Variants in SGCZ observed in about 807,000 individuals in gnomAD.
SGCZ encodes zeta-sarcoglycan.
SGCZ carries 40 observed loss-of-function variants against 41.3 expected under a neutral mutation model. The observed-to-expected ratio is 0.97, with a 90% confidence interval of 0.75 to 1.26. The LOEUF is 1.26. Ranked by LOEUF, SGCZ falls within the 50% of genes most tolerant of loss-of-function variation. The probability of loss-of-function intolerance (pLI) is 0.00; values close to 1 mark genes in which losing one functional copy is unlikely to be tolerated. For synonymous variants in SGCZ, 206 were observed against 137.5 expected, an observed-to-expected ratio of 1.50 and a Z score of -3.49; for missense variants, 552 against 369.8, an observed-to-expected ratio of 1.49 and a Z score of -4.04.
chr8:14,914,475 C>G (rs1799367725), intron 1 of SGCZ, among the ~76,000 whole-genome samples: 1 of 151,864 alleles, frequency 6.6e-6, no homozygotes, highest in African/African-American at 2.4e-5. Context: ...AGTTTCGTGG[C>G]CCACAAAGAA....
At chr8:14,785,564 T>C (rs1245139476) in intron 1 of SGCZ, among the ~76,000 whole-genome samples, 2 of 152,178 alleles carry the variant, frequency 1.3e-5, no homozygotes, top group Non-Finnish European at 2.9e-5. Flanking sequence ...TCGCAGGTAA[T>C]ACTAAGGTGG....
chr8:14,646,307 G>A (rs1807213906), intron 1 of SGCZ, among the ~76,000 whole-genome samples: 1 of 151,902 alleles, frequency 6.6e-6, no homozygotes, highest in African/African-American at 2.4e-5. Flanking sequence ...GTGGTATTTG[G>A]TTTTCTGTTC....
chr8:14,254,197 G>T (rs755005329), intron 3 of SGCZ, among the ~76,000 whole-genome samples: 4 of 152,090 alleles, frequency 2.6e-5, no homozygotes, highest in African/African-American at 9.7e-5. Context: ...CCTGGATTTT[G>T]AGTTTACCGG....
intron 2 of SGCZ, among the ~76,000 whole-genome samples, chr8:14,511,936 A>C (rs1029711065): frequency 6.6e-6 from 1 of 152,166 alleles, no homozygotes; most frequent in African/African-American, 2.4e-5. Context: ...AAAGGTTTAT[A>C]GATTTTATAT....
chr8:14,936,346 C>T (rs1800082438), intron 1 of SGCZ, among the ~76,000 whole-genome samples: 1 of 151,900 alleles, frequency 6.6e-6, no homozygotes, highest in Non-Finnish European at 1.5e-5. Context: ...TTAGCCTAGC[C>T]TACCTTAAAT....
At chr8:14,532,179 T>C (rs776669647) in intron 2 of SGCZ, among the ~76,000 whole-genome samples, 1 of 152,054 alleles carries the variant, frequency 6.6e-6, no homozygotes, top group Non-Finnish European at 1.5e-5. Context: ...GTGATCAAAG[T>C]AAGGCACTAA....
Position 14,727,543 on chromosome 8 carries a change from C to T in SGCZ, c.40-172617G>A, listed in dbSNP as rs1180271173. On this transcript the variant is annotated intron_variant, in intron 1 of 7. Transcript: ENST00000382080. ...TTTTTTTTTTTGAGGTGGAGTCTCA[C>T]TCTGTTGCCCAGGCTAGAGTGCAGT... 2.0e-5 allele frequency among the ~76,000 whole-genome samples: 3 copies of T among 150,558 alleles called. No homozygotes were observed. In the East Asian group the frequency reaches 5.9e-4, roughly 29 times the overall value.
In SGCZ at chr8:14,538,451, A is replaced by G. The variant is rs1011161138; in HGVS notation, c.234+16281T>C. On this transcript the variant is annotated intron_variant, in intron 2 of 7. Transcript: ENST00000382080. ...AGAACATTCTAGATGCCATGGGTGA[A>G]CCAAGAGAAACTTAACCCAACCTGT... Among the ~76,000 whole-genome samples the G allele has an allele frequency of 2.6e-5, 4 of 152,004 alleles. No homozygotes were observed. In the South Asian group the frequency reaches 8.3e-4, roughly 31 times the overall value.
intron 2 of SGCZ, among the ~76,000 whole-genome samples, chr8:14,535,379 A>G (rs1803262249): frequency 6.6e-6 from 1 of 151,926 alleles, no homozygotes. Context: ...TCTAAGAATA[A>G]CATTAGTAAA....
At chr8:14,754,565 G>A (rs952573154) in intron 1 of SGCZ, among the ~76,000 whole-genome samples, 70 of 152,104 alleles carry the variant, frequency 4.6e-4, no homozygotes, top group African/African-American at 1.6e-3. Flanking sequence ...ATAGTGGCTG[G>A]TACATTATAG....
intron 1 of SGCZ, among the ~76,000 whole-genome samples, chr8:15,015,719 A>G (rs1803003916): frequency 8.6e-6 from 1 of 115,610 alleles, no homozygotes; most frequent in South Asian, 3.3e-4. Context: ...GAAAAAAGAA[A>G]TATACACGTG....
intron 1 of SGCZ, among the ~76,000 whole-genome samples, chr8:14,648,995 C>G (rs1030847994): frequency 6.6e-6 from 1 of 151,924 alleles, no homozygotes; most frequent in Non-Finnish European, 1.5e-5. Context: ...ATACTTTTTC[C>G]CCCAACAGTC....
At chr8:14,375,099 CAGAT>C (rs906506808) in intron 2 of SGCZ, among the ~76,000 whole-genome samples, 45 of 147,646 alleles carry the variant, frequency 3.0e-4, no homozygotes, top group African/African-American at 8.3e-4. Flanking sequence ...GGGGGACAAT[CAGAT>C]AGATAGATAG....
At chr8:14,336,191 T>A (rs34450162) in intron 2 of SGCZ, among the ~76,000 whole-genome samples, 2 of 152,080 alleles carry the variant, frequency 1.3e-5, no homozygotes, top group Non-Finnish European at 2.9e-5. Context: ...TCTGTGTTAA[T>A]TTGCTAAGGA....
chr8:14,165,114 C>T, intron 4 of SGCZ: 1 of 159,784 alleles, frequency 6.3e-6, no homozygotes, highest in Non-Finnish European at 1.4e-5. Context: ...GACAATAGTA[C>T]CCATGCTTGC....
chr8:14,796,491 A>G (rs1418788585), intron 1 of SGCZ, among the ~76,000 whole-genome samples: 1 of 151,940 alleles, frequency 6.6e-6, no homozygotes, highest in Non-Finnish European at 1.5e-5. Context: ...CTTTATGAAC[A>G]CTTTTGAAAC....
At chr8:14,676,620 T>C (rs1808286541) in intron 1 of SGCZ, among the ~76,000 whole-genome samples, 1 of 152,128 alleles carries the variant, frequency 6.6e-6, no homozygotes, top group Non-Finnish European at 1.5e-5. Flanking sequence ...TGCACAATAA[T>C]ATAAACCACG....
chr8:14,834,092 A>C (rs1303542781), intron 1 of SGCZ, among the ~76,000 whole-genome samples: 1 of 152,140 alleles, frequency 6.6e-6, no homozygotes, highest in Non-Finnish European at 1.5e-5. Context: ...TATATAAATA[A>C]ATTGAAAAGG....
intron 1 of SGCZ, among the ~76,000 whole-genome samples, chr8:15,138,129 T>A (rs978124127): frequency 7.9e-5 from 12 of 152,178 alleles, no homozygotes; most frequent in Admixed American, 6.5e-5. Flanking sequence ...AACTTTAAGG[T>A]TTAACGAATG....
Sources: gnomAD v4.1 joint callset for allele counts (sites outside exome capture counted in the v4.1 genomes callset) on GRCh38, gnomAD v4.1.1 for gene constraint, MANE v1.5 for transcripts, NCBI Gene and HGNC (gene_info 2026-07-23, HGNC 2026-07-21) for gene names.